Variants in MAFF observed in about 807,000 individuals in gnomAD.
The protein encoded by MAFF is MAF bZIP transcription factor F.
MAFF carries 4 observed loss-of-function variants against 2.7 expected under a neutral mutation model. The observed-to-expected ratio is 1.48, with a 90% CI of 0.73 to 3.39. The LOEUF is 3.39. MAFF is among the 30% of genes most tolerant of loss of function. The pLI is 0.01. For synonymous variants in MAFF, 113 were observed against 119.4 expected (o/e 0.95, Z 0.35); for missense variants, 190 against 246.6 (o/e 0.77, Z 1.54).
chr22:38,210,283 C>T (rs1004577517), intron 1 of MAFF, among the ~76,000 whole-genome samples: 1 of 152,214 alleles, frequency 6.6e-6, no homozygotes, highest in African/African-American at 2.4e-5. Context: ...CAAGCGCCAA[C>T]TTCCTTCTGT....
chr22:38,209,196 C>A (rs1008467593), intron 1 of MAFF, among the ~76,000 whole-genome samples: 7 of 151,998 alleles, frequency 4.6e-5, no homozygotes, highest in African/African-American at 1.7e-4. Context: ...CTCCTGATAG[C>A]TGGGACTACA....
At chr22:38,210,429 G>A (rs570800836) in intron 1 of MAFF, among the ~76,000 whole-genome samples, 1 of 152,278 alleles carries the variant, frequency 6.6e-6, no homozygotes, top group African/African-American at 2.4e-5. Flanking sequence ...AGGATTCCTT[G>A]AGTATCTGCG....
chr22:38,207,351 G>A (rs2091059634), intron 1 of MAFF, among the ~76,000 whole-genome samples: 2 of 148,962 alleles, frequency 1.3e-5, no homozygotes, highest in African/African-American at 4.9e-5. Flanking sequence ...TCAGTCTCCT[G>A]ACCTCATGAT....
At position 38,214,742 on chromosome 22, in the gene MAFF, C is replaced by T; in HGVS notation, c.359C>T (p.Ser120Phe). 2 of 1,410,940 alleles carry T rather than the reference C, an allele frequency of 1.4e-6. No individual in the cohort carries two copies. Among genetic ancestry groups the T allele is most frequent in the Non-Finnish European group, 1.8e-6 (2 of 1,091,954 alleles). The allele number at this position is 1,410,940 out of a possible 1,614,324, so 87.4% of individuals were successfully genotyped here. The change falls in exon 3 of 3, where the codon TCC (serine) becomes TTC (phenylalanine). Residue 120 changes from serine to phenylalanine, a missense_variant. Ser to Phe is a radical substitution (Grantham distance 155, BLOSUM62 -2). This residue lies in a region of MAFF where 103 missense variants were observed against 103.0 expected (regional missense o/e 1.00). Transcript: ENST00000338483. The surrounding 1 kb of genome is among the most constrained non-coding windows in gnomAD (Gnocchi z 6.3). Reference protein sequence around the residue: ...KCEALQGFARSVAAARGPATL... With the variant: ...KCEALQGFARFVAAARGPATL... ...GAGGCGCTGCAGGGCTTCGCGCGCT[C>T]CGTGGCCGCCGCCCGCGGGCCCGCC...
chr22:38,207,262 C>T lies in MAFF; in HGVS notation c.-32+5050C>T, dbSNP rs140745978. 1.2e-3 allele frequency among the ~76,000 whole-genome samples: 178 copies of T among 150,340 alleles called. 3 individuals are homozygous for T. Among genetic ancestry groups the T allele is most frequent in the African/African-American group, 4.0e-3 (165 of 40,950 alleles). ...TCAGCCTCCTGAGTAGTTGGGACTA[C>T]AGGTGTGTGCCACCAGGCCCAGCTA... is the stretch of plus-strand genomic sequence containing the variant. On this transcript the variant is annotated intron_variant, in intron 1 of 2. Coordinates refer to ENST00000338483, the MANE Select transcript of MAFF (RefSeq NM_012323.4).
chr22:38,210,847 C>A (rs984476825), intron 1 of MAFF, among the ~76,000 whole-genome samples: 2 of 151,758 alleles, frequency 1.3e-5, no homozygotes, highest in African/African-American at 4.8e-5. Flanking sequence ...ATCGCTTGAG[C>A]CAAGGAGTTC....
chr22:38,209,308 G>A (rs1020606395), intron 1 of MAFF, among the ~76,000 whole-genome samples: 75 of 151,782 alleles, frequency 4.9e-4, no homozygotes, highest in African/African-American at 1.6e-3. Flanking sequence ...CTTGTGATCC[G>A]CCCGCCTCAG....
chr22:38,204,768 G>A (rs966377881), intron 1 of MAFF, among the ~76,000 whole-genome samples: 8 of 152,166 alleles, frequency 5.3e-5, no homozygotes, highest in Admixed American at 2.0e-4. Context: ...GTTAGCATAC[G>A]ATCCTGGGAG....
In MAFF at chr22:38,207,449, T is replaced by C. The variant is rs758549873; in HGVS notation, c.-32+5237T>C. On this transcript the variant is annotated intron_variant, in intron 1 of 2. Transcript: ENST00000338483. ...TTTTTTTTTTTTTTTTTTTTTTTTT[T>C]TTTTTTTTTGAGACAGAGTCTCGCT... Among the ~76,000 whole-genome samples the C allele has an allele frequency of 2.1e-3, 275 of 128,906 alleles. 1 individual carries two copies. The highest frequency in any genetic ancestry group is 3.2e-3 in the Non-Finnish European group (194 of 60,908). The allele number at this position is 128,906 out of a possible 152,430, so 84.6% of individuals were successfully genotyped here. A position where few individuals can be genotyped will look rare whatever the true frequency, so the allele number is the denominator to read the frequency against.
Position 38,214,719 on chromosome 22 carries a change from G to C in MAFF, c.336G>C (p.Glu112Asp). 1 of 1,494,286 alleles carries C rather than the reference G, an allele frequency of 6.7e-7. No homozygotes were observed. 92.6% of individuals were successfully genotyped at this position (1,494,286 alleles called of 1,614,324 possible). Residue 112 changes from glutamate (E) to aspartate (D), a missense_variant, in exon 3 of 3, where the codon GAG becomes GAC. Transcript: ENST00000338483. This position sits in a 1 kb window ranked among gnomAD's most constrained non-coding sequence, Gnocchi z 6.3. ...LELDALRGKCEALQGFARSVA... is the reference protein window; with the variant it reads ...LELDALRGKCDALQGFARSVA... ...TCGACGCGCTGCGCGGCAAGTGCGA[G>C]GCGCTGCAGGGCTTCGCGCGCTCCG...
intron 1 of MAFF, among the ~76,000 whole-genome samples, chr22:38,209,478 C>T (rs539849038): frequency 1.2e-4 from 19 of 152,192 alleles, no homozygotes; most frequent in African/African-American, 4.1e-4. Context: ...GTGCTGGGAC[C>T]TCCCCAGGTG....
chr22:38,204,333 G>C (rs906015368), intron 1 of MAFF, among the ~76,000 whole-genome samples: 3 of 152,206 alleles, frequency 2.0e-5, no homozygotes, highest in Admixed American at 2.0e-4. Context: ...ACAGCGCTCT[G>C]ACTTAGCCAG....
At chr22:38,213,108 C>T (rs965139464) in intron 1 of MAFF, among the ~76,000 whole-genome samples, 17 of 142,628 alleles carry the variant, frequency 1.2e-4, no homozygotes, top group Admixed American at 7.4e-4. Flanking sequence ...ACACGGGAGG[C>T]GGAGGTTGCA....
intron 1 of MAFF, among the ~76,000 whole-genome samples, chr22:38,205,926 G>A (rs2091047877): frequency 6.6e-6 from 1 of 152,224 alleles, no homozygotes; most frequent in Non-Finnish European, 1.5e-5. Flanking sequence ...CTTTCCCCCT[G>A]TGATTGCCTG....
chr22:38,207,181 C>T lies in MAFF; in HGVS notation c.-32+4969C>T, dbSNP rs895880797. ...TGTCACCCAGGCTGGAGTGCAGTCG[C>T]GTAATCTCGGCTCACTGCAACCTCT... On this transcript the variant is annotated intron_variant, in intron 1 of 2. Transcript: ENST00000338483. 3.3e-5 allele frequency among the ~76,000 whole-genome samples: 5 copies of T among 151,866 alleles called. No homozygotes were observed. The East Asian group carries it at 7.8e-4, about 24-fold the overall frequency.
chr22:38,207,632 G>A (rs956253019), intron 1 of MAFF, among the ~76,000 whole-genome samples: 43 of 151,090 alleles, frequency 2.8e-4, no homozygotes, highest in African/African-American at 9.3e-4. Context: ...GCGGGGTCTT[G>A]CTTTGTCACC....
At chr22:38,204,625 C>T (rs2091038290) in intron 1 of MAFF, among the ~76,000 whole-genome samples, 1 of 152,188 alleles carries the variant, frequency 6.6e-6, no homozygotes, top group Non-Finnish European at 1.5e-5. Context: ...AATCTTGAAG[C>T]AGTCTCCCAA....
intron 1 of MAFF, among the ~76,000 whole-genome samples, chr22:38,206,340 C>T (rs923526151): frequency 9.2e-6 from 1 of 108,354 alleles, no homozygotes; most frequent in Non-Finnish European, 1.8e-5. Flanking sequence ...CCTATGCCTC[C>T]TTTTTTTTTT....
intron 1 of MAFF, among the ~76,000 whole-genome samples, chr22:38,204,726 G>A (rs996729535): frequency 2.6e-5 from 4 of 152,214 alleles, no homozygotes; most frequent in Non-Finnish European, 5.9e-5. Context: ...AACATTCAGG[G>A]ATAGTAGAAT....
Sources: allele counts gnomAD v4.1 joint callset (sites outside exome capture counted in the v4.1 genomes callset), GRCh38; gene constraint gnomAD v4.1.1; regional missense constraint gnomAD v4.1.1; non-coding constraint Gnocchi (gnomAD v3.1); transcripts MANE v1.5; gene names NCBI Gene and HGNC (gene_info 2026-07-23, HGNC 2026-07-21).